FERMT2: variants seen among roughly 807,000 people sequenced by gnomAD.
FERMT2 encodes FERM domain containing kindlin 2.
In FERMT2, 15 loss-of-function variants were observed where a neutral mutation model predicts 82.7. The ratio of observed to expected loss-of-function variants is 0.18; its 90% confidence interval spans 0.12 to 0.28. The LOEUF is 0.28. Ranked by LOEUF, FERMT2 falls within the 10% of genes least tolerant of loss-of-function variation. The probability of loss-of-function intolerance (pLI) is 1.00; values close to 1 mark genes in which losing one functional copy is unlikely to be tolerated. For synonymous variants in FERMT2, 274 were observed against 271.5 expected, an observed-to-expected ratio of 1.01 and a Z score of -0.09; for missense variants, 645 against 809.4, an observed-to-expected ratio of 0.80 and a Z score of 2.46.
At chr14:52,900,717 CAGAT>C (rs754756210) in intron 3 of FERMT2, among the ~76,000 whole-genome samples, 103 of 152,118 alleles carry the variant, frequency 6.8e-4, no homozygotes, top group Non-Finnish European at 1.2e-3. Context: ...GCACAGAAAA[CAGAT>C]AGACTACCTG....
At chr14:52,944,028 A>C (rs1296605633) in intron 2 of FERMT2, among the ~76,000 whole-genome samples, 2 of 152,188 alleles carry the variant, frequency 1.3e-5, no homozygotes, top group Non-Finnish European at 2.9e-5. Flanking sequence ...GCAAAACAAA[A>C]ACAAAAGGCA....
In FERMT2 at chr14:52,864,652, T is replaced by C. The variant is rs367808160; in HGVS notation, c.1381-30A>G. The C allele has an allele frequency of 6.0e-4, 960 of 1,596,042 alleles. 1 individual carries two copies. The highest frequency in any genetic ancestry group is 7.7e-4 in the Non-Finnish European group (899 of 1,163,894). On this transcript the variant is annotated intron_variant, in intron 11 of 14. Transcript: ENST00000341590. ...AGAAAAGAAATACTGATGTGTGCAATGTATCACGAGGTGGGTCTTTCAAGT... is the reference window on the plus strand; with the variant it reads ...AGAAAAGAAATACTGATGTGTGCAACGTATCACGAGGTGGGTCTTTCAAGT...
At chr14:52,915,884 C>T (rs1250376283) in intron 3 of FERMT2, among the ~76,000 whole-genome samples, 5 of 152,026 alleles carry the variant, frequency 3.3e-5, no homozygotes, top group Admixed American at 6.5e-5. Flanking sequence ...CAATGGTGAA[C>T]GATAAAACAA....
Position 52,893,324 on chromosome 14 carries a change from T to C in FERMT2, c.495A>G (p.Glu165=). Residue 165 remains glutamate (E), a synonymous_variant, in exon 4 of 15, where the codon GAA becomes GAG. Coordinates refer to ENST00000341590, the MANE Select transcript of FERMT2 (RefSeq NM_006832.3). ...CAGGAGTGATAAGAGGCCCCTCTAA[T>C]TCAAGTGCCTCATCTTCAGACTGGT... ...LDDQSEDEAL[E]LEGPLITPGS... 2 of 1,611,068 alleles carry C rather than the reference T, an allele frequency of 1.2e-6. No homozygotes were observed. Among genetic ancestry groups the C allele is most frequent in the Non-Finnish European group, 1.7e-6 (2 of 1,179,250 alleles).
chr14:52,870,491 C>T (rs113770804), intron 10 of FERMT2, among the ~76,000 whole-genome samples: 2,572 of 152,202 alleles, frequency 0.017, 66 homozygotes, highest in African/African-American at 0.058. Context: ...TCAGATGATC[C>T]GCCGCCTCAG....
intron 3 of FERMT2, among the ~76,000 whole-genome samples, chr14:52,913,099 C>T (rs986371637): frequency 6.6e-5 from 10 of 152,170 alleles, no homozygotes; most frequent in African/African-American, 1.4e-4. Context: ...CAACAACAAA[C>T]GATTGCAAAA....
intron 2 of FERMT2, among the ~76,000 whole-genome samples, chr14:52,936,716 T>A (rs1402219868): frequency 6.6e-6 from 1 of 152,156 alleles, no homozygotes; most frequent in African/African-American, 2.4e-5. Context: ...CCTGGCTAAT[T>A]CCTACTCTCA....
intron 2 of FERMT2, among the ~76,000 whole-genome samples, chr14:52,933,041 C>T (rs1458749357): frequency 2.0e-5 from 3 of 152,004 alleles, no homozygotes; most frequent in Non-Finnish European, 4.4e-5. Context: ...AAAACACTGG[C>T]GATGAAGCAT....
In FERMT2 at chr14:52,933,736, AAG is replaced by A. The variant is rs1317177670; in HGVS notation, c.158-14382_158-14381del. On this transcript the variant is annotated intron_variant, in intron 2 of 14. Coordinates refer to ENST00000341590, the MANE Select transcript of FERMT2 (RefSeq NM_006832.3). ...AAAAAAAAAAAAAAAAAAAAAAAAA[AAG>A]GGAAAAGAAAAAAACCCCAAAACTT... is the stretch of plus-strand genomic sequence containing the variant. Among the ~76,000 whole-genome samples the A allele has an allele frequency of 1.8e-3, 174 of 98,544 alleles. 24 individuals are homozygous for A. Among genetic ancestry groups the A allele is most frequent in the East Asian group, 0.013 (25 of 1,856 alleles). 64.6% of individuals were successfully genotyped at this position (98,544 alleles called of 152,430 possible).
In FERMT2 at chr14:52,872,886, A is replaced by G; in HGVS notation, c.1186T>C (p.Trp396Arg). Residue 396 changes from tryptophan (W) to arginine (R), a missense_variant, in exon 10 of 15, where the codon TGG (tryptophan) becomes CGG (arginine). Transcript: ENST00000341590. Reference protein sequence around the residue: ...KLTLKGYKQYWCTFKDTSISC... With the variant: ...KLTLKGYKQYRCTFKDTSISC... The stretch of plus-strand genomic sequence containing the variant: ...ATGGATGTGTCTTTGAAGGTGCACC[A>G]ATATTGTTTGTAACCTTTCAGAGTC... The G allele has an allele frequency of 6.2e-7, 1 of 1,613,988 alleles. No homozygotes were observed. Among genetic ancestry groups the G allele is most frequent in the Non-Finnish European group, 8.5e-7 (1 of 1,179,858 alleles).
chr14:52,939,423 C>T (rs1889997868), intron 2 of FERMT2, among the ~76,000 whole-genome samples: 1 of 149,712 alleles, frequency 6.7e-6, no homozygotes, highest in African/African-American at 2.5e-5. Context: ...TTAAAAGGCA[C>T]ATTCTCAATC....
At chr14:52,920,998 T>A (rs1199061613) in intron 2 of FERMT2, among the ~76,000 whole-genome samples, 1 of 152,160 alleles carries the variant, frequency 6.6e-6, no homozygotes, top group East Asian at 1.9e-4. Flanking sequence ...AAAACTATCA[T>A]GCTTCTGAGA....
At chr14:52,948,427 A>G (rs1293155057) in intron 2 of FERMT2, 5 of 339,628 alleles carry the variant, frequency 1.5e-5, no homozygotes, top group Non-Finnish European at 2.9e-5. Context: ...AAAAACCAAA[A>G]GCATCACTTA....
chr14:52,942,164 G>A (rs1305577443), intron 2 of FERMT2, among the ~76,000 whole-genome samples: 1 of 151,174 alleles, frequency 6.6e-6, no homozygotes, highest in South Asian at 2.1e-4. Context: ...TATACTCAGA[G>A]ACTCAATGCC....
chr14:52,933,245 G>T (rs1384567641), intron 2 of FERMT2, among the ~76,000 whole-genome samples: 1 of 152,040 alleles, frequency 6.6e-6, no homozygotes, highest in Non-Finnish European at 1.5e-5. Flanking sequence ...GTATTACGGA[G>T]TCTATCCCTT....
intron 3 of FERMT2, among the ~76,000 whole-genome samples, chr14:52,894,118 T>C (rs564022671): frequency 1.2e-3 from 177 of 152,348 alleles, no homozygotes; most frequent in Non-Finnish European, 1.0e-3. Context: ...TGAGCCACCG[T>C]GCCCGGCCCC....
chr14:52,904,046 A>G (rs180977717), intron 3 of FERMT2, among the ~76,000 whole-genome samples: 23 of 152,376 alleles, frequency 1.5e-4, no homozygotes, highest in Admixed American at 1.0e-3. Flanking sequence ...AATGATAAAA[A>G]AGATATATGA....
intron 8 of FERMT2, among the ~76,000 whole-genome samples, chr14:52,874,613 G>A (rs932266456): frequency 4.6e-5 from 7 of 152,146 alleles, no homozygotes; most frequent in East Asian, 1.9e-4. Context: ...CAATTTTCCC[G>A]AGATCTATTT....
chr14:52,949,212 G>A (rs774757620), intron 2 of FERMT2, among the ~76,000 whole-genome samples: 21 of 151,824 alleles, frequency 1.4e-4, no homozygotes, highest in Non-Finnish European at 2.4e-4. Flanking sequence ...TTCCTGCAGG[G>A]GTACAAAGCA....
Sources: allele counts gnomAD v4.1 joint callset (sites outside exome capture counted in the v4.1 genomes callset), GRCh38; gene constraint gnomAD v4.1.1; transcripts MANE v1.5; gene names NCBI Gene and HGNC (gene_info 2026-07-23, HGNC 2026-07-21).